The following LDAH variants were observed in gnomAD, a reference collection of about 807,000 sequenced individuals.
LDAH encodes the protein lipid droplet associated hydrolase, also known as lipid droplet-associated hydrolase.
LDAH carries 26 observed loss-of-function variants against 29.6 expected under a neutral mutation model. The ratio of observed to expected loss-of-function variants is 0.88; its 90% CI spans 0.64 to 1.22. The LOEUF is 1.22. LDAH is among the 50% of genes most tolerant of loss of function. The pLI is 0.00. For missense variants in LDAH, 344 were observed against 387.3 expected (o/e 0.89, Z 0.94); for synonymous variants, 117 against 133.0 (o/e 0.88, Z 0.83).
chr2:20,795,945 CCACACACACACACA>C (rs57619975), intron 2 of LDAH, among the ~76,000 whole-genome samples: 41 of 141,992 alleles, frequency 2.9e-4, no homozygotes, highest in Non-Finnish European at 4.9e-4. Context: ...CCGAAACCTG[CCACACACACACACA>C]CACACACACA....
chr2:20,819,177 G>A (rs1482945521), intron 1 of LDAH, among the ~76,000 whole-genome samples: 2 of 151,870 alleles, frequency 1.3e-5, no homozygotes, highest in East Asian at 3.9e-4. Context: ...CAACTCCTTT[G>A]CAACTGTGAC....
intron 5 of LDAH, among the ~76,000 whole-genome samples, chr2:20,729,184 T>A (rs1489437848): frequency 1.3e-5 from 2 of 150,430 alleles, no homozygotes; most frequent in African/African-American, 2.4e-5. Flanking sequence ...CAGTAGGAGG[T>A]CAATTATTGC....
chr2:20,811,077 G>A (rs1672454636), intron 1 of LDAH, among the ~76,000 whole-genome samples: 2 of 151,806 alleles, frequency 1.3e-5, no homozygotes, highest in South Asian at 4.2e-4. Flanking sequence ...GACTGCAGTG[G>A]CGCGATCTCG....
intron 4 of LDAH, among the ~76,000 whole-genome samples, chr2:20,755,994 C>G (rs1043297036): frequency 7.2e-5 from 11 of 152,150 alleles, no homozygotes; most frequent in African/African-American, 2.7e-4. Flanking sequence ...CAAACCCACT[C>G]CCATACAAAA....
At chr2:20,812,472 A>G (rs1003138037) in intron 1 of LDAH, among the ~76,000 whole-genome samples, 1 of 152,224 alleles carries the variant, frequency 6.6e-6, no homozygotes, top group South Asian at 2.1e-4. Flanking sequence ...TCATTGATGC[A>G]TAAAACTTCT....
chr2:20,802,929 G>C (rs1671805117), intron 1 of LDAH, among the ~76,000 whole-genome samples: 1 of 152,196 alleles, frequency 6.6e-6, no homozygotes, highest in South Asian at 2.1e-4. Context: ...GCACTGGAAA[G>C]GGAGGGAAGG....
chr2:20,797,691 A>G (rs1671393746), intron 2 of LDAH, among the ~76,000 whole-genome samples: 1 of 152,206 alleles, frequency 6.6e-6, no homozygotes, highest in Admixed American at 6.5e-5. Context: ...TGGATAGTCA[A>G]GGATTGCCAG....
intron 1 of LDAH, among the ~76,000 whole-genome samples, chr2:20,806,954 G>GA (rs1189395494): frequency 6.6e-6 from 1 of 151,466 alleles, no homozygotes; most frequent in Non-Finnish European, 1.5e-5. Flanking sequence ...AATGAAATAG[G>GA]AAAAAAAGTT....
At chr2:20,784,620 C>T (rs1236274214) in intron 3 of LDAH, among the ~76,000 whole-genome samples, 4 of 152,006 alleles carry the variant, frequency 2.6e-5, no homozygotes, top group Admixed American at 2.6e-4. Flanking sequence ...CACAGTGGCT[C>T]ATGCCTGTAA....
chr2:20,737,607 C>T (rs1298101086), intron 5 of LDAH, among the ~76,000 whole-genome samples: 1 of 152,014 alleles, frequency 6.6e-6, no homozygotes, highest in African/African-American at 2.4e-5. Flanking sequence ...TGAAAACCAA[C>T]GAGGGGAAGT....
chr2:20,747,483 C>G (rs907126188), intron 4 of LDAH, among the ~76,000 whole-genome samples: 2 of 152,132 alleles, frequency 1.3e-5, no homozygotes, highest in African/African-American at 2.4e-5. Context: ...AACCAGACAG[C>G]CTTCAAAGAT....
chr2:20,685,576 T>G lies in LDAH; in HGVS notation c.*1327A>C, dbSNP rs1662500966. ...AAGTTGGCAGCAAATCAGAGCCAAA[T>G]CTTTCATCAGGGGGCTTTAGGATTT... is the stretch of plus-strand genomic sequence containing the variant. On this transcript the variant is annotated 3_prime_UTR_variant, in exon 7 of 7. Transcript: ENST00000237822. The G allele has an allele frequency of 1.3e-6, 2 of 1,550,368 alleles. No individual in the cohort carries two copies. Among genetic ancestry groups the G allele is most frequent in the African/African-American group, 2.7e-5 (2 of 73,050 alleles).
At chr2:20,762,114 G>A (rs1386974104) in intron 4 of LDAH, among the ~76,000 whole-genome samples, 1 of 151,906 alleles carries the variant, frequency 6.6e-6, no homozygotes, top group African/African-American at 2.4e-5. Context: ...GTATTATAAT[G>A]TCTTTTGCAA....
chr2:20,735,020 T>G (rs933875530), intron 5 of LDAH, among the ~76,000 whole-genome samples: 4 of 152,232 alleles, frequency 2.6e-5, no homozygotes, highest in African/African-American at 7.2e-5. Context: ...CCATGAATAA[T>G]GTACCGCTTT....
chr2:20,708,379 T>A (rs1664462591), intron 5 of LDAH, among the ~76,000 whole-genome samples: 1 of 152,074 alleles, frequency 6.6e-6, no homozygotes, highest in Admixed American at 6.5e-5. Flanking sequence ...TATCAAACCG[T>A]CTCCAAATAA....
rs1362301507 is a variant in LDAH, at chr2:20,716,720, G to GTATATATATATATATATA, written c.704-15069_704-15068insTATATATATATATATATA. On this transcript the variant is annotated intron_variant, in intron 5 of 6. Transcript: ENST00000237822. ...GTGTAGATGTACCCTAGAACTTTAAGTATATATACATATATATATATATAT... is the reference window on the plus strand; with the variant it reads ...GTGTAGATGTACCCTAGAACTTTAAGTATATATATATATATATATATATATACATATATATATATATAT... Among the ~76,000 whole-genome samples the GTATATATATATATATATA allele has an allele frequency of 5.8e-3, 754 of 130,996 alleles. 29 individuals carry two copies. The highest frequency in any genetic ancestry group is 8.2e-3 in the Non-Finnish European group (484 of 59,076). The allele number at this position is 130,996 out of a possible 152,430, so 85.9% of individuals were successfully genotyped here. A position where few individuals can be genotyped will look rare whatever the true frequency, so the allele number is the denominator to read the frequency against.
At chr2:20,731,461 A>G (rs1467950708) in intron 5 of LDAH, among the ~76,000 whole-genome samples, 3 of 152,200 alleles carry the variant, frequency 2.0e-5, no homozygotes, top group African/African-American at 7.2e-5. Context: ...CTCTTCCTGT[A>G]CAGCCTATGG....
At chr2:20,712,211 C>G (rs1398222099) in intron 5 of LDAH, among the ~76,000 whole-genome samples, 3 of 152,316 alleles carry the variant, frequency 2.0e-5, no homozygotes, top group Admixed American at 2.0e-4. Flanking sequence ...ATTTGCTGTT[C>G]TGCAGCCTCC....
At chr2:20,796,604 C>T (rs1671323120) in intron 2 of LDAH, among the ~76,000 whole-genome samples, 1 of 152,164 alleles carries the variant, frequency 6.6e-6, no homozygotes, top group Non-Finnish European at 1.5e-5. Context: ...ACTTCACCTA[C>T]ATTAAACTTA....
Sources: allele counts gnomAD v4.1 joint callset (sites outside exome capture counted in the v4.1 genomes callset), GRCh38; gene constraint gnomAD v4.1.1; transcripts MANE v1.5; gene names NCBI Gene and HGNC (gene_info 2026-07-23, HGNC 2026-07-21).